Variants in DOCK4 observed in about 807,000 individuals in gnomAD.
The protein encoded by DOCK4 is dedicator of cytokinesis protein 4.
A neutral mutation model predicts 268.1 loss-of-function variants in DOCK4; 97 were observed. The observed-to-expected ratio is 0.36, with a 90% CI of 0.31 to 0.43. DOCK4 has a LOEUF of 0.43. Among genes scored for constraint, DOCK4 ranks in the 20% least tolerant of loss-of-function variants. The probability of loss-of-function intolerance (pLI) is 1.00; values close to 1 mark genes in which losing one functional copy is unlikely to be tolerated. For missense variants in DOCK4, 2,145 were observed against 2,455.7 expected (o/e 0.87, Z 2.67); for synonymous variants, 954 against 887.2 (o/e 1.08, Z -1.34).
chr7:112,158,536 T>C (rs1816817341), intron 1 of DOCK4, among the ~76,000 whole-genome samples: 1 of 152,186 alleles, frequency 6.6e-6, no homozygotes, highest in African/African-American at 2.4e-5. Flanking sequence ...TTCAAGATAC[T>C]AGTTATATAC....
chr7:111,732,819 G>A (rs1053618544), intron 51 of DOCK4, among the ~76,000 whole-genome samples: 24 of 152,196 alleles, frequency 1.6e-4, no homozygotes, highest in African/African-American at 5.6e-4. Context: ...TACAACAGGT[G>A]CATGGTTTTC....
At position 111,851,861 on chromosome 7, in the gene DOCK4, T is replaced by C. The variant is rs933059480; in HGVS notation, c.2474-4735A>G. Among the ~76,000 whole-genome samples, 6 of 151,904 alleles carry C rather than the reference T, an allele frequency of 3.9e-5. No homozygotes were observed. The East Asian group carries it at 5.8e-4, about 15-fold the overall frequency. On this transcript the variant is annotated intron_variant, in intron 23 of 52. Coordinates refer to ENST00000428084, the MANE Select transcript of DOCK4 (RefSeq NM_001363540.2). ...CTCTTTCAATTTTATCCTATATCTA[T>C]AGATAAAAGTGATTCTGTATGCTAC...
intron 1 of DOCK4, among the ~76,000 whole-genome samples, chr7:112,088,079 G>C (rs1167072965): frequency 1.3e-5 from 2 of 152,174 alleles, no homozygotes; most frequent in East Asian, 3.9e-4. Flanking sequence ...TGGGATCGTG[G>C]GACAAGGTCC....
intron 5 of DOCK4, among the ~76,000 whole-genome samples, chr7:111,990,234 G>A (rs1176468078): frequency 6.6e-6 from 1 of 152,180 alleles, no homozygotes; most frequent in Admixed American, 6.5e-5. Context: ...GGTCCAGAAT[G>A]AGCCCTCTAC....
chr7:111,906,840 T>C (rs1012209677), intron 13 of DOCK4, among the ~76,000 whole-genome samples: 8 of 152,112 alleles, frequency 5.3e-5, no homozygotes, highest in African/African-American at 1.9e-4. Flanking sequence ...CAAGGAAGTA[T>C]ATTCTCCCCT....
At chr7:112,205,106 A>G (rs1263849232) in intron 1 of DOCK4, among the ~76,000 whole-genome samples, 1 of 152,130 alleles carries the variant, frequency 6.6e-6, no homozygotes, top group East Asian at 1.9e-4. Flanking sequence ...AAATCAAACA[A>G]CAAAAACGGG....
chr7:112,151,407 C>T (rs1767490379), intron 1 of DOCK4, among the ~76,000 whole-genome samples: 1 of 152,032 alleles, frequency 6.6e-6, no homozygotes, highest in Non-Finnish European at 1.5e-5. Context: ...TAGATAGTAG[C>T]AGTAGTAAAA....
intron 16 of DOCK4, among the ~76,000 whole-genome samples, chr7:111,883,683 T>G (rs950620952): frequency 1.3e-5 from 2 of 152,104 alleles, no homozygotes; most frequent in African/African-American, 4.8e-5. Flanking sequence ...TATCTATGAA[T>G]AGAAGACTTG....
intron 1 of DOCK4, among the ~76,000 whole-genome samples, chr7:112,165,561 C>CGA (rs1817540882): frequency 1.4e-5 from 1 of 71,994 alleles, no homozygotes; most frequent in Non-Finnish European, 3.2e-5. Flanking sequence ...TGTGTGTGTG[C>CGA]GTGTGTGTGT....
chr7:111,955,526 T>C (rs1020426408), intron 8 of DOCK4, among the ~76,000 whole-genome samples: 2 of 152,232 alleles, frequency 1.3e-5, no homozygotes, highest in African/African-American at 4.8e-5. Context: ...ATTGCCAATT[T>C]TGAATAACAA....
chr7:111,869,609 C>T lies in DOCK4; in HGVS notation c.2074G>A (p.Ala692Thr), dbSNP rs1490954601. ...TCCTGGATATGCTCTTGCCGCTCTG[C>T]TTCTGTGATCCGGTCCACGTACCAT... is the stretch of plus-strand genomic sequence containing the variant. ...LKWYVDRITE[A>T]ERQEHIQEVL... Residue 692 changes from alanine (A) to threonine (T), a missense_variant, in exon 21 of 53, where the codon GCA (alanine) becomes ACA (threonine). Physicochemically the swap from Ala to Thr is moderately conservative, Grantham distance 58 (BLOSUM62 0). This residue lies in a region of DOCK4 where 1,598 missense variants were observed against 1,986.7 expected (regional missense o/e 0.80). Coordinates refer to ENST00000428084, the MANE Select transcript of DOCK4 (RefSeq NM_001363540.2). The T allele has an allele frequency of 6.2e-7, 1 of 1,613,576 alleles. No homozygotes were observed. The highest frequency in any genetic ancestry group is 1.7e-4 in the Middle Eastern group (1 of 6,058).
chr7:111,902,444 G>A (rs954430845), intron 13 of DOCK4, among the ~76,000 whole-genome samples: 9 of 152,036 alleles, frequency 5.9e-5, no homozygotes, highest in Non-Finnish European at 1.3e-4. Flanking sequence ...ATATACTGTC[G>A]ATTTTTTCTC....
At chr7:111,767,550 T>C (rs1423577438) in intron 37 of DOCK4, among the ~76,000 whole-genome samples, 1 of 152,078 alleles carries the variant, frequency 6.6e-6, no homozygotes, top group Non-Finnish European at 1.5e-5. Context: ...TAAAACACCT[T>C]GAGACTTCAA....
intron 1 of DOCK4, among the ~76,000 whole-genome samples, chr7:112,115,069 T>G (rs2115774412): frequency 6.6e-6 from 1 of 152,238 alleles, no homozygotes; most frequent in East Asian, 1.9e-4. Context: ...CCCTAATATC[T>G]AGTCAAGCAG....
At chr7:112,184,166 G>A (rs1019383886) in intron 1 of DOCK4, among the ~76,000 whole-genome samples, 8 of 152,200 alleles carry the variant, frequency 5.3e-5, no homozygotes, top group African/African-American at 1.9e-4. Flanking sequence ...ACAGATGCAT[G>A]AGTTTCTAAG....
At chr7:111,983,154 T>C (rs1460444978) in intron 7 of DOCK4, among the ~76,000 whole-genome samples, 2 of 152,114 alleles carry the variant, frequency 1.3e-5, no homozygotes, top group African/African-American at 2.4e-5. Context: ...CACAATGAAG[T>C]GTAGATAATC....
At chr7:112,194,552 G>T in intron 1 of DOCK4, among the ~76,000 whole-genome samples, 1 of 152,252 alleles carries the variant, frequency 6.6e-6, no homozygotes, top group Non-Finnish European at 1.5e-5. Flanking sequence ...GCACATAAAT[G>T]ACAAACTAAA....
chr7:111,956,616 T>C (rs1796470848), intron 8 of DOCK4, among the ~76,000 whole-genome samples: 1 of 152,210 alleles, frequency 6.6e-6, no homozygotes, highest in African/African-American at 2.4e-5. Flanking sequence ...CACCTTATTG[T>C]CTGTAAAGTG....
intron 12 of DOCK4, among the ~76,000 whole-genome samples, chr7:111,916,524 T>C (rs1200767126): frequency 3.3e-5 from 5 of 152,254 alleles, no homozygotes; most frequent in Admixed American, 1.3e-4. Flanking sequence ...ACAGGACACC[T>C]TGACAAAGAA....
Sources: gnomAD v4.1 joint callset for allele counts (sites outside exome capture counted in the v4.1 genomes callset) on GRCh38, gnomAD v4.1.1 for gene constraint, gnomAD v4.1.1 regional missense constraint, MANE v1.5 for transcripts, NCBI Gene and HGNC (gene_info 2026-07-23, HGNC 2026-07-21) for gene names.